The following U2SURP variants were observed in gnomAD, a reference collection of about 807,000 sequenced individuals.
U2SURP encodes the protein U2 snRNP associated SURP domain containing.
A neutral mutation model predicts 144.9 loss-of-function variants in U2SURP; 9 were observed. The observed-to-expected ratio is 0.06, with a 90% CI of 0.04 to 0.11. U2SURP has a LOEUF of 0.11. Among genes scored for constraint, U2SURP ranks in the 10% least tolerant of loss-of-function variants. The pLI is 1.00. For missense variants in U2SURP, 724 were observed against 1,226.7 expected (o/e 0.59, Z 6.12); for synonymous variants, 408 against 396.8 (o/e 1.03, Z -0.33).
chr3:143,014,976 T>C (rs1936294453), intron 4 of U2SURP, among the ~76,000 whole-genome samples: 1 of 152,074 alleles, frequency 6.6e-6, no homozygotes, highest in Non-Finnish European at 1.5e-5. Flanking sequence ...TAGGTGAGAT[T>C]TGGGATATAT....
At chr3:143,003,837 G>C (rs1352947715) in intron 1 of U2SURP, among the ~76,000 whole-genome samples, 1 of 151,296 alleles carries the variant, frequency 6.6e-6, no homozygotes, top group African/African-American at 2.4e-5. Flanking sequence ...GACTACAGGC[G>C]CCCGCCAGTA....
chr3:143,029,486 A>C (rs1933352267), intron 16 of U2SURP, among the ~76,000 whole-genome samples: 1 of 152,346 alleles, frequency 6.6e-6, no homozygotes, highest in Non-Finnish European at 1.5e-5. Flanking sequence ...GGGGCACCAC[A>C]AACTATGGTC....
intron 24 of U2SURP, among the ~76,000 whole-genome samples, chr3:143,044,343 C>T (rs1478366841): frequency 1.6e-5 from 2 of 125,072 alleles, no homozygotes; most frequent in African/African-American, 6.3e-5. Context: ...GGCTGGAGTG[C>T]AATGGTGTGA....
At chr3:143,044,773 C>G (rs1472122444) in intron 24 of U2SURP, among the ~76,000 whole-genome samples, 3 of 152,166 alleles carry the variant, frequency 2.0e-5, no homozygotes, top group Non-Finnish European at 4.4e-5. Flanking sequence ...ACCTCATTGC[C>G]ACTTCTCCAC....
rs143850594 is a variant in U2SURP, at chr3:143,008,078, G to A, written c.46-2737G>A. Among the ~76,000 whole-genome samples, 682 of 152,330 alleles carry A rather than the reference G, an allele frequency of 4.5e-3. 6 individuals carry two copies. The highest frequency in any genetic ancestry group is 0.015 in the African/African-American group (634 of 41,564). On this transcript the variant is annotated intron_variant, in intron 1 of 27. Coordinates refer to ENST00000473835, the MANE Select transcript of U2SURP (RefSeq NM_001080415.2). The stretch of plus-strand genomic sequence containing the variant: ...ATCAGCTGGTGCATTGTCCTACACC[G>A]GTGCATTGTGCTACACTATGCTGTT...
intron 4 of U2SURP, 38 bp downstream of exon 4, chr3:143,014,447 T>A: frequency 7.1e-7 from 1 of 1,403,664 alleles, no homozygotes; most frequent in Non-Finnish European, 9.9e-7. Context: ...TCCTTGGAAA[T>A]GAATGTGTCT....
intron 1 of U2SURP, among the ~76,000 whole-genome samples, chr3:143,007,234 A>T (rs1472201272): frequency 6.6e-6 from 1 of 151,692 alleles, no homozygotes; most frequent in African/African-American, 2.4e-5. Flanking sequence ...TATTGTGTCA[A>T]ACTTCCCTTA....
At chr3:143,031,205 ATGAAAGGAT>A (rs1933462329) in intron 16 of U2SURP, among the ~76,000 whole-genome samples, 1 of 152,216 alleles carries the variant, frequency 6.6e-6, no homozygotes, top group Non-Finnish European at 1.5e-5. Flanking sequence ...CATTGTTGAA[ATGAAAGGAT>A]CTAGAATATA....
intron 24 of U2SURP, among the ~76,000 whole-genome samples, chr3:143,045,468 A>C (rs1052809881): frequency 6.6e-6 from 1 of 152,082 alleles, no homozygotes; most frequent in African/African-American, 2.4e-5. Context: ...TTTTCTTGAT[A>C]ATACAAGCTA....
chr3:143,013,780 C>T (rs1936227808), intron 3 of U2SURP, among the ~76,000 whole-genome samples: 2 of 151,862 alleles, frequency 1.3e-5, no homozygotes, highest in African/African-American at 4.8e-5. Flanking sequence ...ATATTTTAAT[C>T]CCAGCAAAGA....
chr3:143,034,430 T>C (rs1399368069), intron 18 of U2SURP: 1 of 152,344 alleles, frequency 6.6e-6, no homozygotes, highest in Non-Finnish European at 1.5e-5. Context: ...ACTTTTCCTC[T>C]GTTCCCCAGA....
intron 3 of U2SURP, among the ~76,000 whole-genome samples, chr3:143,013,103 TA>T (rs760865370): frequency 1.3e-5 from 2 of 152,120 alleles, no homozygotes; most frequent in Non-Finnish European, 2.9e-5. Context: ...AATGATTGCT[TA>T]TATTGTTTAT....
At chr3:143,001,833 C>T (rs1340991290) in intron 1 of U2SURP, among the ~76,000 whole-genome samples, 160 bp downstream of exon 1, 3 of 152,200 alleles carry the variant, frequency 2.0e-5, no homozygotes, top group Non-Finnish European at 4.4e-5. Context: ...GGTTGAGAGG[C>T]CTGGTATCTC....
intron 23 of U2SURP, 31 bp downstream of exon 23, chr3:143,038,991 C>T: frequency 7.2e-7 from 1 of 1,396,588 alleles, no homozygotes; most frequent in Non-Finnish European, 9.7e-7. Context: ...TATACTGTTT[C>T]TTGTTCATAT....
At position 143,006,634 on chromosome 3, in the gene U2SURP, C is replaced by T. The variant is rs182828824; in HGVS notation, c.46-4181C>T. ...GCTGGGCATGGTGGCACATGCTACT[C>T]GGGAGGCTGAGGCAGGAGAATCGCT... is the stretch of plus-strand genomic sequence containing the variant. On this transcript the variant is annotated intron_variant, in intron 1 of 27. Coordinates refer to ENST00000473835, the MANE Select transcript of U2SURP (RefSeq NM_001080415.2). 2.2e-3 allele frequency among the ~76,000 whole-genome samples: 340 copies of T among 152,084 alleles called. 1 individual carries two copies. Among genetic ancestry groups the T allele is most frequent in the Non-Finnish European group, 1.0e-3 (71 of 67,998 alleles).
chr3:143,012,938 C>A (rs1481607915), intron 3 of U2SURP, among the ~76,000 whole-genome samples: 4 of 152,136 alleles, frequency 2.6e-5, no homozygotes, highest in Non-Finnish European at 4.4e-5. Context: ...GTATTAACCA[C>A]TGGTAACAAA....
At chr3:143,046,341 TTGA>T (rs1429836737) in intron 24 of U2SURP, among the ~76,000 whole-genome samples, 25 of 145,576 alleles carry the variant, frequency 1.7e-4, no homozygotes, top group African/African-American at 5.5e-4. Flanking sequence ...TTTTTTTTTA[TTGA>T]TCATTCTTGG....
At chr3:143,044,210 G>T (rs949722380) in intron 24 of U2SURP, among the ~76,000 whole-genome samples, 4 of 150,380 alleles carry the variant, frequency 2.7e-5, no homozygotes, top group African/African-American at 9.8e-5. Flanking sequence ...AATACTAAAA[G>T]ATGGGGAAAT....
At chr3:143,032,262 A>G (rs904772805) in intron 16 of U2SURP, among the ~76,000 whole-genome samples, 4 of 152,076 alleles carry the variant, frequency 2.6e-5, no homozygotes, top group African/African-American at 9.7e-5. Flanking sequence ...TAGTACAGAC[A>G]GGGTTTCACC....
Sources: gnomAD v4.1 joint callset for allele counts (sites outside exome capture counted in the v4.1 genomes callset) on GRCh38, gnomAD v4.1.1 for gene constraint, MANE v1.5 for transcripts, NCBI Gene and HGNC (gene_info 2026-07-23, HGNC 2026-07-21) for gene names.